ZCCHC14: variants seen among roughly 807,000 people sequenced by gnomAD.
ZCCHC14 encodes the protein zinc finger CCHC-type containing 14.
ZCCHC14 carries 16 observed loss-of-function variants against 85.0 expected under a neutral mutation model. The observed-to-expected ratio is 0.19, with a 90% confidence interval of 0.13 to 0.29. The LOEUF (loss-of-function observed/expected upper bound fraction) is 0.29, where lower values mean the gene tolerates loss of function less well. Ranked by LOEUF, ZCCHC14 falls within the 10% of genes least tolerant of loss-of-function variation. ZCCHC14 has a pLI of 1.00. For synonymous variants in ZCCHC14, 775 were observed against 630.7 expected (o/e 1.23, Z -3.43); for missense variants, 1,303 against 1,443.5 (o/e 0.90, Z 1.58).
intron 4 of ZCCHC14, among the ~76,000 whole-genome samples, chr16:87,422,511 G>C (rs762761207): frequency 1.3e-5 from 2 of 151,812 alleles, no homozygotes; most frequent in East Asian, 1.9e-4. Context: ...GATCACCTGA[G>C]GTCAGGAGTT....
intron 2 of ZCCHC14, among the ~76,000 whole-genome samples, chr16:87,447,469 C>T (rs966196716): frequency 7.9e-5 from 12 of 152,194 alleles, no homozygotes; most frequent in Non-Finnish European, 1.5e-4. Context: ...GTCATATAAA[C>T]AGGACCATAC....
In ZCCHC14 at chr16:87,477,582, T is replaced by C. The variant is rs1243990945; in HGVS notation, c.570+14087A>G. Among the ~76,000 whole-genome samples the C allele has an allele frequency of 4.6e-5, 7 of 152,310 alleles. No homozygotes were observed. The East Asian group carries it at 5.8e-4, about 13-fold the overall frequency. ...CAATTTTAACTTCACATAATAAAAA[T>C]AGCCACTCACTAATGTCGTCTTTGT... is the stretch of plus-strand genomic sequence containing the variant. On this transcript the variant is annotated intron_variant, in intron 1 of 12. Transcript: ENST00000671377.
At chr16:87,449,899 C>G (rs7184879) in intron 2 of ZCCHC14, among the ~76,000 whole-genome samples, 132,846 of 152,166 alleles carry the variant, frequency 0.87, 58,112 homozygotes, top group Middle Eastern at 0.94. Flanking sequence ...ATGAAAATTA[C>G]CTGGGTGTGG....
rs185436006 is a variant in ZCCHC14 at position 87,492,923 on chromosome 16, A to G, written c.-685T>C. 0.047 allele frequency among the ~76,000 whole-genome samples: 6,634 copies of G among 140,358 alleles called. 217 individuals carry two copies. The highest frequency in any genetic ancestry group is 0.071 in the Non-Finnish European group (4,654 of 65,658). 92.1% of individuals were successfully genotyped at this position (140,358 alleles called of 152,430 possible). A position where few individuals can be genotyped will look rare whatever the true frequency, so the allele number is the denominator to read the frequency against. On this transcript the variant is annotated 5_prime_UTR_variant, in exon 1 of 13. Transcript: ENST00000671377. The surrounding 1 kb of genome is among the most constrained non-coding windows in gnomAD (Gnocchi z 6.7). ...GGGCCCGAGCGCGGCGGCGGCGGCGACGGCGACGGCGACGGCGACGGCGAC... is the reference window on the plus strand; with the variant it reads ...GGGCCCGAGCGCGGCGGCGGCGGCGGCGGCGACGGCGACGGCGACGGCGAC...
intron 12 of ZCCHC14, among the ~76,000 whole-genome samples, chr16:87,411,069 A>G (rs1374399900): frequency 6.6e-6 from 1 of 152,258 alleles, no homozygotes; most frequent in Non-Finnish European, 1.5e-5. Flanking sequence ...AAGATGCAGC[A>G]TGGCTGAGGG....
Position 87,411,876 on chromosome 16 carries a change from G to A in ZCCHC14, c.2845C>T (p.His949Tyr), listed in dbSNP as rs1372690190. Residue 949 changes from histidine (H) to tyrosine (Y), a missense_variant, in exon 12 of 13, where the codon CAC (histidine) becomes TAC (tyrosine). Physicochemically the swap from His to Tyr is moderately conservative, Grantham distance 83. Around this residue, in one of 7 missense-constraint regions of ZCCHC14, gnomAD observed 797 missense variants for 730.8 expected, o/e 1.09. Coordinates refer to ENST00000671377, the MANE Select transcript of ZCCHC14 (RefSeq NM_015144.3). ...LTVSYANYFQ[H>Y]PFSGPSVFTF... ...AACACGGACGGACCGGAGAACGGGTGCTGGAAGTAGTTGGCGTAGCTGACA... is the reference window on the plus strand; with the variant it reads ...AACACGGACGGACCGGAGAACGGGTACTGGAAGTAGTTGGCGTAGCTGACA... 1 of 1,602,764 alleles carries A rather than the reference G, an allele frequency of 6.2e-7. No homozygotes were observed. The highest frequency in any genetic ancestry group is 8.5e-7 in the Non-Finnish European group (1 of 1,175,560).
chr16:87,458,541 T>A (rs1911089818), intron 2 of ZCCHC14, among the ~76,000 whole-genome samples: 1 of 152,094 alleles, frequency 6.6e-6, no homozygotes, highest in South Asian at 2.1e-4. Context: ...CCGTGCTCAT[T>A]ACATCAACAG....
chr16:87,426,056 A>C (rs1263489647), intron 3 of ZCCHC14, among the ~76,000 whole-genome samples: 2 of 152,210 alleles, frequency 1.3e-5, no homozygotes, highest in Admixed American at 1.3e-4. Context: ...TTCCTCCCTA[A>C]GGCTATCAGA....
chr16:87,411,146 C>G (rs1020759799), intron 12 of ZCCHC14, among the ~76,000 whole-genome samples: 8 of 152,250 alleles, frequency 5.3e-5, no homozygotes, highest in African/African-American at 1.9e-4. Context: ...AGCCCCACCC[C>G]AGAGGGTCCG....
At chr16:87,448,650 C>G (rs976360541) in intron 2 of ZCCHC14, among the ~76,000 whole-genome samples, 22 of 152,184 alleles carry the variant, frequency 1.4e-4, no homozygotes, top group African/African-American at 4.8e-4. Context: ...CTTTTACATC[C>G]CAACAACTCT....
intron 1 of ZCCHC14, among the ~76,000 whole-genome samples, chr16:87,466,729 A>G (rs1366187800): frequency 6.6e-6 from 1 of 152,194 alleles, no homozygotes; most frequent in Non-Finnish European, 1.5e-5. Context: ...ATCTGTGACC[A>G]AGTCACAGGT....
chr16:87,458,828 C>A (rs534002949), intron 2 of ZCCHC14, among the ~76,000 whole-genome samples: 3 of 152,150 alleles, frequency 2.0e-5, no homozygotes, highest in African/African-American at 4.8e-5. Flanking sequence ...CCAGCAGATG[C>A]GGACACAGCC....
chr16:87,458,358 C>T lies in ZCCHC14; in HGVS notation c.694+1650G>A, dbSNP rs569135701. ...TGTCCGCTCTGGGGTTGGAGCATCG[C>T]GGCATCACCAGGATGAGGGTGCGGT... On this transcript the variant is annotated intron_variant, in intron 2 of 12. Transcript: ENST00000671377. 5.3e-5 allele frequency among the ~76,000 whole-genome samples: 8 copies of T among 152,308 alleles called. No individual in the cohort carries two copies. In the South Asian group the frequency reaches 8.3e-4, roughly 16 times the overall value.
intron 2 of ZCCHC14, among the ~76,000 whole-genome samples, chr16:87,442,694 A>T (rs1910243475): frequency 6.6e-6 from 1 of 152,282 alleles, no homozygotes; most frequent in Admixed American, 6.5e-5. Flanking sequence ...AGCCCAAAGA[A>T]ATCAACACCC....
chr16:87,410,405 A>C, intron 12 of ZCCHC14, 70 bp from the exon 13 acceptor site: 2 of 688,936 alleles, frequency 2.9e-6, no homozygotes, highest in Admixed American at 2.2e-5. Context: ...CAATCTGTCC[A>C]GTCATGTCCA....
intron 3 of ZCCHC14, among the ~76,000 whole-genome samples, chr16:87,431,119 C>T (rs1439154996): frequency 2.0e-5 from 3 of 148,086 alleles, no homozygotes; most frequent in Admixed American, 6.8e-5. Flanking sequence ...AGCCTGGTGA[C>T]AGAGCAAGAC....
At chr16:87,490,747 G>C (rs1912717357) in intron 1 of ZCCHC14, among the ~76,000 whole-genome samples, 1 of 152,262 alleles carries the variant, frequency 6.6e-6, no homozygotes, top group Non-Finnish European at 1.5e-5. Flanking sequence ...GTCTGTTACA[G>C]GTAGCCCGGC....
intron 6 of ZCCHC14, among the ~76,000 whole-genome samples, chr16:87,419,275 C>G (rs1305047565): frequency 7.2e-6 from 1 of 138,822 alleles, no homozygotes; most frequent in Non-Finnish European, 1.6e-5. Flanking sequence ...ATTACAGGAG[C>G]CTGCCACCAC....
intron 3 of ZCCHC14, among the ~76,000 whole-genome samples, chr16:87,431,910 G>A (rs982535211): frequency 1.6e-4 from 24 of 152,096 alleles, no homozygotes; most frequent in Middle Eastern, 3.2e-3. Flanking sequence ...CCGAGACTCC[G>A]GCACTACCAT....
Sources: gnomAD v4.1 joint callset for allele counts (sites outside exome capture counted in the v4.1 genomes callset) on GRCh38, gnomAD v4.1.1 for gene constraint, gnomAD v4.1.1 regional missense constraint, Gnocchi (gnomAD v3.1) non-coding constraint, MANE v1.5 for transcripts, NCBI Gene and HGNC (gene_info 2026-07-23, HGNC 2026-07-21) for gene names.